The following ZHX2 variants were observed in gnomAD, a reference collection of about 807,000 sequenced individuals.
The protein encoded by ZHX2 is zinc fingers and homeoboxes 2.
In ZHX2, 6 loss-of-function variants were observed where a neutral mutation model predicts 21.9. The observed-to-expected ratio is 0.27, with a 90% CI of 0.15 to 0.54. The LOEUF is 0.54. ZHX2 is among the 20% of genes least tolerant of loss of function. The pLI is 0.95. For synonymous variants in ZHX2, 434 were observed against 437.1 expected, an observed-to-expected ratio of 0.99 and a Z score of 0.09; for missense variants, 908 against 1,090.7, an observed-to-expected ratio of 0.83 and a Z score of 2.36.
chr8:122,895,641 A>G (rs982024893), intron 2 of ZHX2, among the ~76,000 whole-genome samples: 2 of 151,842 alleles, frequency 1.3e-5, no homozygotes, highest in Admixed American at 1.3e-4. Flanking sequence ...CACCCATTAT[A>G]TTCTAGATGC....
chr8:122,789,772 C>G (rs1477674347), intron 1 of ZHX2, among the ~76,000 whole-genome samples: 1 of 152,250 alleles, frequency 6.6e-6, no homozygotes, highest in Non-Finnish European at 1.5e-5. Flanking sequence ...GCCAGCTCTC[C>G]TCTAAGCTCT....
chr8:122,965,127 G>GT (rs1430584268), intron 3 of ZHX2, among the ~76,000 whole-genome samples: 5 of 144,354 alleles, frequency 3.5e-5, no homozygotes, highest in Non-Finnish European at 3.0e-5. Context: ...CTTTTGAGTT[G>GT]TTTTTTTCTT....
At chr8:122,797,258 C>T (rs1405928531) in intron 1 of ZHX2, among the ~76,000 whole-genome samples, 4 of 152,178 alleles carry the variant, frequency 2.6e-5, no homozygotes, top group Admixed American at 6.5e-5. Flanking sequence ...TGGGGATCCA[C>T]GCTGCTAAAA....
In ZHX2 at chr8:122,973,549, T is replaced by C. The variant is rs575656425; in HGVS notation, c.*312T>C. 1 of 152,770 alleles carries C rather than the reference T, an allele frequency of 6.5e-6. No homozygotes were observed. The highest frequency in any genetic ancestry group is 2.4e-5 in the African/African-American group (1 of 41,572). The allele number at this position is 152,770 out of a possible 1,614,324, so 9.5% of individuals were successfully genotyped here. A position where few individuals can be genotyped will look rare whatever the true frequency, so the allele number is the denominator to read the frequency against. ...GGAACCGATTTGTACAATGTGGGAA[T>C]TTTGTTACCTTTTTAATCAAGGGCA... On this transcript the variant is annotated 3_prime_UTR_variant, in exon 4 of 4. Transcript: ENST00000314393.
chr8:122,866,405 C>T (rs551875150), intron 2 of ZHX2, among the ~76,000 whole-genome samples: 1 of 152,198 alleles, frequency 6.6e-6, no homozygotes, highest in Non-Finnish European at 1.5e-5. Flanking sequence ...ACATTTCTTA[C>T]GTGAGTGGTA....
intron 1 of ZHX2, among the ~76,000 whole-genome samples, chr8:122,861,770 T>C (rs1381846945): frequency 6.6e-6 from 1 of 152,156 alleles, no homozygotes; most frequent in Non-Finnish European, 1.5e-5. Context: ...ATAGAGCTAG[T>C]GACATGCCCC....
chr8:122,939,725 G>A (rs1812794895), intron 2 of ZHX2, among the ~76,000 whole-genome samples: 1 of 152,192 alleles, frequency 6.6e-6, no homozygotes, highest in Admixed American at 6.5e-5. Flanking sequence ...AGTTACACAG[G>A]AAATTTAAGA....
intron 1 of ZHX2, among the ~76,000 whole-genome samples, chr8:122,807,568 A>G (rs1226660224): frequency 6.6e-6 from 1 of 152,188 alleles, no homozygotes; most frequent in African/African-American, 2.4e-5. Context: ...TTTGTGGAAA[A>G]CACGTGTTAT....
chr8:122,861,027 C>A (rs948988570), intron 1 of ZHX2, among the ~76,000 whole-genome samples: 4 of 121,394 alleles, frequency 3.3e-5, no homozygotes, highest in Non-Finnish European at 6.5e-5. Flanking sequence ...CAGAGCAAGA[C>A]TTCGTCTCAA....
chr8:122,901,278 T>C (rs1820223767), intron 2 of ZHX2, among the ~76,000 whole-genome samples: 1 of 152,200 alleles, frequency 6.6e-6, no homozygotes, highest in South Asian at 2.1e-4. Context: ...CTACCCAACC[T>C]ACCTCCCCTG....
chr8:122,910,229 G>T (rs972999777), intron 2 of ZHX2, among the ~76,000 whole-genome samples: 1 of 151,860 alleles, frequency 6.6e-6, no homozygotes, highest in Non-Finnish European at 1.5e-5. Context: ...CGGGCACATC[G>T]CATTACCTTA....
At chr8:122,947,140 C>T (rs1048461395) in intron 2 of ZHX2, among the ~76,000 whole-genome samples, 3 of 144,570 alleles carry the variant, frequency 2.1e-5, no homozygotes, top group Non-Finnish European at 3.0e-5. Context: ...GTGGCTTATG[C>T]GTGTGGTCCC....
chr8:122,929,852 C>T (rs1262381469), intron 2 of ZHX2, among the ~76,000 whole-genome samples: 2 of 152,188 alleles, frequency 1.3e-5, no homozygotes, highest in South Asian at 2.1e-4. Flanking sequence ...GAAGCTATGG[C>T]TGCTACATAG....
rs78515997 is a variant in ZHX2 at position 122,922,205 on chromosome 8, C to T, written c.-219-29087C>T. On this transcript the variant is annotated intron_variant, in intron 2 of 3. Transcript: ENST00000314393. ...CCTCCTGGGTCTTTCTTAGACTTCT[C>T]CCAGCAAAGCAGAGTCCGTATCCTA... is the stretch of plus-strand genomic sequence containing the variant. Among the ~76,000 whole-genome samples the T allele has an allele frequency of 4.4e-3, 673 of 151,320 alleles. 1 individual carries two copies. Among genetic ancestry groups the T allele is most frequent in the African/African-American group, 0.014 (569 of 41,178 alleles).
At chr8:122,870,926 T>C (rs1447903088) in intron 2 of ZHX2, among the ~76,000 whole-genome samples, 1 of 152,062 alleles carries the variant, frequency 6.6e-6, no homozygotes, top group Non-Finnish European at 1.5e-5. Flanking sequence ...GGCTTGAGAA[T>C]CTAAGAGACT....
intron 1 of ZHX2, among the ~76,000 whole-genome samples, chr8:122,798,621 A>G (rs376590056): frequency 1.3e-5 from 2 of 151,998 alleles, no homozygotes; most frequent in African/African-American, 2.4e-5. Flanking sequence ...TGTCTCTACT[A>G]AAAATACAAA....
chr8:122,892,828 G>T (rs1266330690), intron 2 of ZHX2, among the ~76,000 whole-genome samples: 1 of 152,162 alleles, frequency 6.6e-6, no homozygotes, highest in Non-Finnish European at 1.5e-5. Context: ...GGGATTACAG[G>T]TGTACACCAC....
At chr8:122,895,354 G>C (rs369536801) in intron 2 of ZHX2, among the ~76,000 whole-genome samples, 1 of 152,200 alleles carries the variant, frequency 6.6e-6, no homozygotes, top group African/African-American at 2.4e-5. Context: ...CTGGCTTAAG[G>C]CAAGCTGGCT....
chr8:122,925,922 A>AC (rs1360099822), intron 2 of ZHX2, among the ~76,000 whole-genome samples: 1 of 151,992 alleles, frequency 6.6e-6, no homozygotes, highest in Non-Finnish European at 1.5e-5. Flanking sequence ...GGAGAAGAGG[A>AC]CATGGGACAG....
Sources: allele counts gnomAD v4.1 joint callset (sites outside exome capture counted in the v4.1 genomes callset), GRCh38; gene constraint gnomAD v4.1.1; transcripts MANE v1.5; gene names NCBI Gene and HGNC (gene_info 2026-07-23, HGNC 2026-07-21).